Variants in GRAMD1B observed in about 807,000 individuals in gnomAD.
GRAMD1B encodes protein Aster-B.
In GRAMD1B, 37 loss-of-function variants were observed where a neutral mutation model predicts 99.7. That is an observed-to-expected ratio of 0.37 (90% confidence interval 0.29 to 0.49). The LOEUF (loss-of-function observed/expected upper bound fraction) is 0.49. GRAMD1B is among the 20% of genes least tolerant of loss of function. The pLI is 0.98. For missense variants in GRAMD1B, 888 were observed against 1,009.2 expected (o/e 0.88, Z 1.63); for synonymous variants, 427 against 387.6 (o/e 1.10, Z -1.19).
At chr11:123,419,167 C>G (rs1948335035) in intron 1 of GRAMD1B, among the ~76,000 whole-genome samples, 1 of 152,184 alleles carries the variant, frequency 6.6e-6, no homozygotes, top group Non-Finnish European at 1.5e-5. Context: ...CAAGAGCAGA[C>G]AGAGACTTGC....
At chr11:123,358,848 G>GAACACCAA (rs1191717475) in intron 1 of GRAMD1B, 37 of 152,528 alleles carry the variant, frequency 2.4e-4, no homozygotes, top group African/African-American at 8.7e-4. Context: ...ACACATGGAT[G>GAACACCAA]CCGAGTGATG....
chr11:123,407,283 C>T (rs754052163), intron 1 of GRAMD1B, among the ~76,000 whole-genome samples: 2 of 150,894 alleles, frequency 1.3e-5, no homozygotes, highest in Non-Finnish European at 1.5e-5. Flanking sequence ...TTTTTTTTCC[C>T]GGGGAACTCT....
At chr11:123,484,614 CAGAG>C (rs1254729980) in intron 2 of GRAMD1B, among the ~76,000 whole-genome samples, 3 of 152,124 alleles carry the variant, frequency 2.0e-5, no homozygotes, top group African/African-American at 7.2e-5. Context: ...GTATGAGGAA[CAGAG>C]AGAATGTGGT....
intron 9 of GRAMD1B, 144 bp downstream of exon 9, chr11:123,603,685 G>T: frequency 1.5e-6 from 1 of 650,700 alleles, no homozygotes; most frequent in South Asian, 1.8e-5. Flanking sequence ...TCACAGGTGA[G>T]GTCAGGGAGC....
intron 2 of GRAMD1B, among the ~76,000 whole-genome samples, chr11:123,526,938 T>A (rs1276827668): frequency 6.6e-6 from 1 of 152,236 alleles, no homozygotes; most frequent in Non-Finnish European, 1.5e-5. Flanking sequence ...GTGAATTGGC[T>A]TTTCATCTGG....
intron 2 of GRAMD1B, among the ~76,000 whole-genome samples, chr11:123,491,376 T>C (rs1031798980): frequency 6.6e-5 from 10 of 152,144 alleles, no homozygotes; most frequent in African/African-American, 2.4e-4. Context: ...GCCAGTGAAT[T>C]CCCCATGGAC....
At chr11:123,504,477 C>G (rs1940219254) in intron 2 of GRAMD1B, among the ~76,000 whole-genome samples, 1 of 152,196 alleles carries the variant, frequency 6.6e-6, no homozygotes, top group African/African-American at 2.4e-5. Flanking sequence ...TTGACTGCTT[C>G]AGAAACTTCC....
intron 2 of GRAMD1B, among the ~76,000 whole-genome samples, chr11:123,568,441 G>A (rs1395276105): frequency 6.6e-6 from 1 of 152,192 alleles, no homozygotes; most frequent in Non-Finnish European, 1.5e-5. Flanking sequence ...TGAACACCTT[G>A]TACACTTCAC....
chr11:123,395,891 A>G (rs1304047050), intron 1 of GRAMD1B, among the ~76,000 whole-genome samples: 1 of 152,234 alleles, frequency 6.6e-6, no homozygotes, highest in Non-Finnish European at 1.5e-5. Context: ...CCTTTTAAAA[A>G]TATTTTCTGT....
At chr11:123,469,042 TCAGG>T (rs1234678445) in intron 1 of GRAMD1B, among the ~76,000 whole-genome samples, 1 of 151,866 alleles carries the variant, frequency 6.6e-6, no homozygotes, top group African/African-American at 2.4e-5. Flanking sequence ...CGACTTGAAC[TCAGG>T]CAGTCCAAAG....
At chr11:123,503,764 C>G (rs1023835322) in intron 2 of GRAMD1B, among the ~76,000 whole-genome samples, 1 of 152,140 alleles carries the variant, frequency 6.6e-6, no homozygotes, top group Admixed American at 6.5e-5. Flanking sequence ...TCAGACTGGT[C>G]TCAAACTCCT....
At chr11:123,617,733 G>A (rs1437126453) in intron 17 of GRAMD1B, among the ~76,000 whole-genome samples, 1 of 152,176 alleles carries the variant, frequency 6.6e-6, no homozygotes, top group Non-Finnish European at 1.5e-5. Context: ...CCAGTTTTGT[G>A]TGTCTCTGGA....
intron 19 of GRAMD1B, 114 bp downstream of exon 19, chr11:123,619,338 A>G (rs921373303): frequency 2.6e-6 from 4 of 1,525,732 alleles, no homozygotes; most frequent in Admixed American, 4.0e-5. Flanking sequence ...TCTCCCTCCA[A>G]TTCATTCTTC....
chr11:123,371,466 A>G (rs74915853), intron 1 of GRAMD1B, among the ~76,000 whole-genome samples: 270 of 152,290 alleles, frequency 1.8e-3, no homozygotes, highest in African/African-American at 6.3e-3. Flanking sequence ...TTTATGTCAC[A>G]ATGCCTTACA....
chr11:123,403,490 A>AATT (rs1241499936), intron 1 of GRAMD1B, among the ~76,000 whole-genome samples: 3 of 139,466 alleles, frequency 2.2e-5, no homozygotes, highest in Admixed American at 7.3e-5. Context: ...TAATAATAAT[A>AATT]ATTTCGTCTC....
intron 1 of GRAMD1B, among the ~76,000 whole-genome samples, chr11:123,457,763 C>G (rs989250943): frequency 2.6e-5 from 4 of 152,176 alleles, no homozygotes; most frequent in Non-Finnish European, 4.4e-5. Flanking sequence ...ATCGCCTGGG[C>G]TGGAGTGCGC....
intron 3 of GRAMD1B, among the ~76,000 whole-genome samples, chr11:123,581,736 A>G (rs2136293611): frequency 6.6e-6 from 1 of 152,342 alleles, no homozygotes; most frequent in African/African-American, 2.4e-5. Context: ...CACGCTTTAC[A>G]AAAGAGCAAA....
chr11:123,462,093 A>C (rs1198264813), intron 1 of GRAMD1B, among the ~76,000 whole-genome samples: 6 of 150,946 alleles, frequency 4.0e-5, no homozygotes, highest in Admixed American at 3.3e-4. Context: ...CAGCCTCCCG[A>C]GTAGCTGGGA....
chr11:123,546,408 T>A (rs1945044957), intron 2 of GRAMD1B, among the ~76,000 whole-genome samples: 2 of 152,240 alleles, frequency 1.3e-5, no homozygotes, highest in African/African-American at 2.4e-5. Context: ...TTAGACTACA[T>A]GTCTAGTATT....
Sources: allele counts gnomAD v4.1 joint callset (sites outside exome capture counted in the v4.1 genomes callset), GRCh38; gene constraint gnomAD v4.1.1; transcripts MANE v1.5; gene names NCBI Gene and HGNC (gene_info 2026-07-23, HGNC 2026-07-21).